The following SLC30A9 variants were observed in gnomAD, a reference collection of about 807,000 sequenced individuals.
SLC30A9 encodes solute carrier family 30 member 9, also known as proton-coupled zinc antiporter SLC30A9, mitochondrial.
A neutral mutation model predicts 87.5 loss-of-function variants in SLC30A9; 58 were observed. The ratio of observed to expected loss-of-function variants is 0.66; its 90% confidence interval spans 0.54 to 0.82. SLC30A9 has a LOEUF of 0.82. Ranked by LOEUF, SLC30A9 falls within the 40% of genes least tolerant of loss-of-function variation. SLC30A9 has a pLI of 0.00. For synonymous variants in SLC30A9, 234 were observed against 233.0 expected (o/e 1.00, Z -0.04); for missense variants, 557 against 679.1 (o/e 0.82, Z 2.00).
chr4:42,065,469 T>C (rs1283556989), intron 12 of SLC30A9, 120 bp downstream of exon 12: 2 of 665,282 alleles, frequency 3.0e-6, no homozygotes, highest in Non-Finnish European at 5.4e-6. Flanking sequence ...AATAGGCATC[T>C]AAGCTTTCTC....
chr4:42,033,876 C>G (rs79353221), intron 6 of SLC30A9, among the ~76,000 whole-genome samples: 29,138 of 152,118 alleles, frequency 0.19, 2,903 homozygotes, highest in Middle Eastern at 0.25. Flanking sequence ...TGCCCGGCTG[C>G]TCTTGCTTTT....
intron 1 of SLC30A9, among the ~76,000 whole-genome samples, chr4:41,996,751 C>T (rs556325763): frequency 6.6e-6 from 1 of 151,626 alleles, no homozygotes; most frequent in Admixed American, 6.6e-5. Flanking sequence ...CAGAAAAACA[C>T]AGGTGGGTGC....
intron 3 of SLC30A9, 45 bp from the exon 4 acceptor site, chr4:42,020,371 A>G (rs2153135253): frequency 2.2e-6 from 2 of 896,874 alleles, no homozygotes; most frequent in East Asian, 2.7e-5. Context: ...TTCACATGTG[A>G]CTTTCAATGT....
chr4:42,065,225 T>C, intron 11 of SLC30A9, 85 bp from the exon 12 acceptor site: 1 of 756,112 alleles, frequency 1.3e-6, no homozygotes, highest in East Asian at 2.5e-5. Context: ...TTCGTGTTTT[T>C]GTTTTAGACA....
At chr4:42,030,638 T>G (rs900540674) in intron 6 of SLC30A9, among the ~76,000 whole-genome samples, 58 of 151,968 alleles carry the variant, frequency 3.8e-4, no homozygotes, top group African/African-American at 1.3e-3. Context: ...ATGAGCATCT[T>G]TAACATATTC....
Position 42,044,916 on chromosome 4 carries a change from AC to A in SLC30A9, c.738-4459del, listed in dbSNP as rs1717081791. ...CTCAAGATTAAGAAACTCACTCAAA[AC>A]CGCGCAACTACATGGAAACTGAACA... On this transcript the variant is annotated intron_variant, in intron 8 of 17. Transcript: ENST00000264451. 2.0e-5 allele frequency among the ~76,000 whole-genome samples: 3 copies of A among 152,278 alleles called. No individual in the cohort carries two copies. The South Asian group carries it at 6.2e-4, about 32-fold the overall frequency.
At chr4:42,028,427 A>G (rs1397493416) in intron 6 of SLC30A9, among the ~76,000 whole-genome samples, 6 of 152,220 alleles carry the variant, frequency 3.9e-5, no homozygotes, top group Admixed American at 2.6e-4. Context: ...CCACGTGAGA[A>G]TATTTTCAAA....
At chr4:42,071,170 T>C (rs1718294785) in intron 15 of SLC30A9, among the ~76,000 whole-genome samples, 1 of 152,078 alleles carries the variant, frequency 6.6e-6, no homozygotes, top group Non-Finnish European at 1.5e-5. Context: ...TCTTTTAAAT[T>C]ATGTAAAACT....
At chr4:41,998,343 G>A (rs1714814370) in intron 1 of SLC30A9, among the ~76,000 whole-genome samples, 1 of 152,160 alleles carries the variant, frequency 6.6e-6, no homozygotes, top group South Asian at 2.1e-4. Flanking sequence ...AATAGTAAGT[G>A]CCAGAGTAAA....
intron 9 of SLC30A9, among the ~76,000 whole-genome samples, chr4:42,052,042 A>G (rs1312658849): frequency 6.6e-6 from 1 of 151,252 alleles, no homozygotes; most frequent in Non-Finnish European, 1.5e-5. Context: ...GTAAGATTTC[A>G]GGAGTGTAAA....
chr4:42,029,158 C>CG (rs1716312278), intron 6 of SLC30A9: 4 of 361,526 alleles, frequency 1.1e-5, no homozygotes, highest in Non-Finnish European at 2.2e-5. Context: ...GAGGGCGTGC[C>CG]CCGAAGCCAC....
chr4:42,052,172 C>T (rs1159702088), intron 9 of SLC30A9, among the ~76,000 whole-genome samples: 2 of 151,968 alleles, frequency 1.3e-5, no homozygotes, highest in African/African-American at 4.8e-5. Context: ...AGTAGTATCA[C>T]AAAATATTAA....
At chr4:42,023,691 G>A (rs1716069986) in intron 6 of SLC30A9, among the ~76,000 whole-genome samples, 1 of 152,116 alleles carries the variant, frequency 6.6e-6, no homozygotes, top group South Asian at 2.1e-4. Context: ...TGATAGAATA[G>A]GAAGTAATTG....
At chr4:42,023,245 T>G in intron 5 of SLC30A9, 57 bp from the exon 6 acceptor site, 6 of 1,094,962 alleles carry the variant, frequency 5.5e-6, no homozygotes, top group Non-Finnish European at 8.4e-6. Flanking sequence ...GATTTAAATG[T>G]GATGTCAATA....
chr4:42,065,885 A>G (rs1012527221), intron 12 of SLC30A9, among the ~76,000 whole-genome samples: 1 of 152,238 alleles, frequency 6.6e-6, no homozygotes, highest in African/African-American at 2.4e-5. Flanking sequence ...TTTGAGTATC[A>G]TACCATAATA....
chr4:42,081,808 A>G (rs1316753327), intron 17 of SLC30A9, among the ~76,000 whole-genome samples: 1 of 152,244 alleles, frequency 6.6e-6, no homozygotes, highest in Non-Finnish European at 1.5e-5. Flanking sequence ...CTAACTTTGT[A>G]CTTTAACTAG....
At position 42,001,653 on chromosome 4, in the gene SLC30A9, C is replaced by A. The variant is rs1560534438; in HGVS notation, c.147C>A (p.Asn49Lys). The A allele has an allele frequency of 6.3e-7, 1 of 1,599,170 alleles. No homozygotes were observed. Among genetic ancestry groups the A allele is most frequent in the Non-Finnish European group, 8.5e-7 (1 of 1,170,326 alleles). The stretch of plus-strand genomic sequence containing the variant: ...TAGTGACATTTGGAAGCTTTTCAAA[C>A]ATGGTTCCCTGTAGTCATCCATATA... ...QNLVTFGSFS[N>K]MVPCSHPYIG... The change falls in exon 2 of 18, where the codon AAC becomes AAA. Residue 49 changes from asparagine (N) to lysine (K), a missense_variant. Physicochemically the swap from Asn to Lys is moderately conservative, Grantham distance 94 (BLOSUM62 0). This residue lies in a region of SLC30A9 where 467 missense variants were observed against 529.8 expected (regional missense o/e 0.88). Transcript: ENST00000264451.
At chr4:42,026,355 T>C (rs1716190708) in intron 6 of SLC30A9, among the ~76,000 whole-genome samples, 1 of 152,208 alleles carries the variant, frequency 6.6e-6, no homozygotes, top group African/African-American at 2.4e-5. Flanking sequence ...GCCAGTGCAG[T>C]TATATAGTTC....
At chr4:42,055,446 G>A (rs1028523070) in intron 9 of SLC30A9, among the ~76,000 whole-genome samples, 1 of 152,002 alleles carries the variant, frequency 6.6e-6, no homozygotes, top group African/African-American at 2.4e-5. Context: ...GAATGCAGTG[G>A]CACAATCTCG....
Sources: allele counts gnomAD v4.1 joint callset (sites outside exome capture counted in the v4.1 genomes callset), GRCh38; gene constraint gnomAD v4.1.1; regional missense constraint gnomAD v4.1.1; transcripts MANE v1.5; gene names NCBI Gene and HGNC (gene_info 2026-07-23, HGNC 2026-07-21).